The following MTHFD1L variants were observed in gnomAD, a reference collection of about 807,000 sequenced individuals.
The protein encoded by MTHFD1L is monofunctional C1-tetrahydrofolate synthase, mitochondrial.
In MTHFD1L, 81 loss-of-function variants were observed where a neutral mutation model predicts 119.5. That is an observed-to-expected ratio of 0.68 (90% CI 0.57 to 0.82). MTHFD1L has a LOEUF of 0.82. Ranked by LOEUF, MTHFD1L falls within the 40% of genes least tolerant of loss-of-function variation. MTHFD1L has a pLI of 0.00. For missense variants in MTHFD1L, 1,125 were observed against 1,253.4 expected, an observed-to-expected ratio of 0.90 and a Z score of 1.55; for synonymous variants, 430 against 475.2, an observed-to-expected ratio of 0.90 and a Z score of 1.24.
intron 15 of MTHFD1L, 112 bp from the exon 16 acceptor site, chr6:150,948,919 T>C (rs1477202767): frequency 1.0e-5 from 10 of 954,992 alleles, no homozygotes; most frequent in African/African-American, 1.6e-5. Flanking sequence ...AGTTTAGTTT[T>C]TTAAAAGGCT....
At chr6:150,879,783 T>C (rs1781101371) in intron 4 of MTHFD1L, among the ~76,000 whole-genome samples, 1 of 151,860 alleles carries the variant, frequency 6.6e-6, no homozygotes, top group Non-Finnish European at 1.5e-5. Flanking sequence ...GCACCCGCCA[T>C]TATGCCCAGC....
intron 16 of MTHFD1L, among the ~76,000 whole-genome samples, chr6:150,950,465 G>C (rs890122437): frequency 1.3e-5 from 2 of 152,204 alleles, no homozygotes; most frequent in African/African-American, 4.8e-5. Context: ...ACCAGAGACT[G>C]AGCGTTGGCT....
intron 19 of MTHFD1L, among the ~76,000 whole-genome samples, chr6:150,968,701 A>G (rs559838263): frequency 1.3e-5 from 2 of 150,014 alleles, no homozygotes; most frequent in African/African-American, 4.9e-5. Context: ...TTTTAAGTAG[A>G]GATGGGGTTT....
intron 16 of MTHFD1L, among the ~76,000 whole-genome samples, chr6:150,951,541 A>G (rs1794882974): frequency 6.6e-6 from 1 of 152,142 alleles, no homozygotes; most frequent in African/African-American, 2.4e-5. Context: ...CATTTATATC[A>G]TAAGCATTTT....
At chr6:151,005,051 T>C (rs1781193201) in intron 20 of MTHFD1L, among the ~76,000 whole-genome samples, 2 of 152,148 alleles carry the variant, frequency 1.3e-5, no homozygotes, top group African/African-American at 4.8e-5. Flanking sequence ...CTTTTAAGCT[T>C]TGTTAAGAAC....
chr6:151,043,667 AG>A (rs1787499172), intron 26 of MTHFD1L, among the ~76,000 whole-genome samples: 1 of 152,174 alleles, frequency 6.6e-6, no homozygotes, highest in Admixed American at 6.5e-5. Context: ...CTTCGCATTG[AG>A]GCAGTGAGAG....
intron 25 of MTHFD1L, among the ~76,000 whole-genome samples, chr6:151,036,008 C>T (rs1786110645): frequency 2.0e-5 from 3 of 152,190 alleles, no homozygotes; most frequent in Admixed American, 6.5e-5. Context: ...GCCCCAAGTC[C>T]AAGTCCTCCC....
intron 20 of MTHFD1L, among the ~76,000 whole-genome samples, chr6:150,993,336 T>A (rs1206383953): frequency 6.6e-6 from 1 of 152,130 alleles, no homozygotes; most frequent in East Asian, 1.9e-4. Context: ...GGGTGGGTTT[T>A]TTTTTGGACA....
At chr6:150,956,125 G>A (rs976872124) in intron 17 of MTHFD1L, 54 bp downstream of exon 17, 43 of 1,539,924 alleles carry the variant, frequency 2.8e-5, no homozygotes, top group Non-Finnish European at 3.8e-5. Context: ...CATTTCTACT[G>A]GCCTGGGAGC....
intron 20 of MTHFD1L, among the ~76,000 whole-genome samples, chr6:150,979,463 C>T (rs1777115063): frequency 1.3e-5 from 2 of 152,092 alleles, no homozygotes; most frequent in Non-Finnish European, 2.9e-5. Context: ...CCTTGCTCTA[C>T]CTCTCAACCT....
At position 151,094,823 on chromosome 6, in the gene MTHFD1L, C is replaced by T. The variant is rs539790459; in HGVS notation, c.*31+2236C>T. 1.4e-4 allele frequency among the ~76,000 whole-genome samples: 21 copies of T among 151,306 alleles called. 2 individuals are homozygous for T. The highest frequency in any genetic ancestry group is 4.2e-4 in the South Asian group (2 of 4,742). On this transcript the variant is annotated intron_variant, in intron 27 of 27. Coordinates refer to ENST00000367321, the MANE Select transcript of MTHFD1L (RefSeq NM_015440.5). ...CCTCCCAAAGTGCTGAGATTACAGGCGGGAGCCACCACGCCCAGCCTAATT... is the reference window on the plus strand; with the variant it reads ...CCTCCCAAAGTGCTGAGATTACAGGTGGGAGCCACCACGCCCAGCCTAATT...
chr6:150,888,989 A>C (rs2128781614), intron 7 of MTHFD1L, among the ~76,000 whole-genome samples: 1 of 152,254 alleles, frequency 6.6e-6, no homozygotes, highest in East Asian at 1.9e-4. Context: ...AGCCTGGCCA[A>C]TATGGTGAAA....
chr6:150,983,455 C>T (rs939298824), intron 20 of MTHFD1L, among the ~76,000 whole-genome samples: 2 of 152,160 alleles, frequency 1.3e-5, no homozygotes, highest in Non-Finnish European at 2.9e-5. Context: ...GTTGTTAGCC[C>T]AGCCCTATGA....
intron 26 of MTHFD1L, among the ~76,000 whole-genome samples, chr6:151,053,458 C>G (rs1412409286): frequency 6.6e-6 from 1 of 152,148 alleles, no homozygotes; most frequent in Admixed American, 6.6e-5. Flanking sequence ...TAGGTCAGGT[C>G]TCCTAGTTGG....
chr6:150,898,562 T>G (rs943728432), intron 7 of MTHFD1L, among the ~76,000 whole-genome samples: 1 of 152,216 alleles, frequency 6.6e-6, no homozygotes, highest in Non-Finnish European at 1.5e-5. Flanking sequence ...ATGAAGACGC[T>G]GTATGGATGA....
chr6:151,089,715 A>G (rs954138583), intron 26 of MTHFD1L, among the ~76,000 whole-genome samples: 1 of 152,262 alleles, frequency 6.6e-6, no homozygotes, highest in Non-Finnish European at 1.5e-5. Flanking sequence ...GGAAAAAAAT[A>G]TGTGTCCACC....
At chr6:151,093,466 G>A (rs1290806993) in intron 27 of MTHFD1L, among the ~76,000 whole-genome samples, 4 of 148,796 alleles carry the variant, frequency 2.7e-5, no homozygotes, top group African/African-American at 5.0e-5. Flanking sequence ...AGACCAGCCT[G>A]GCCAAGATGG....
At chr6:151,037,898 GA>G (rs1786425652) in intron 26 of MTHFD1L, among the ~76,000 whole-genome samples, 1 of 151,960 alleles carries the variant, frequency 6.6e-6, no homozygotes. Flanking sequence ...GGCAAGCAAA[GA>G]AAAAAATATT....
chr6:151,003,912 G>C (rs1780995066), intron 20 of MTHFD1L, among the ~76,000 whole-genome samples: 1 of 150,652 alleles, frequency 6.6e-6, no homozygotes, highest in Non-Finnish European at 1.5e-5. Context: ...GAAAGTTAGA[G>C]TACATTGTCC....
Sources: gnomAD v4.1 joint callset for allele counts (sites outside exome capture counted in the v4.1 genomes callset) on GRCh38, gnomAD v4.1.1 for gene constraint, MANE v1.5 for transcripts, NCBI Gene and HGNC (gene_info 2026-07-23, HGNC 2026-07-21) for gene names.